Variants in CSMD3 observed in about 807,000 individuals in gnomAD.
The protein encoded by CSMD3 is CUB and sushi domain-containing protein 3.
CSMD3 carries 177 observed loss-of-function variants against 435.2 expected under a neutral mutation model. That is an observed-to-expected ratio of 0.41 (90% CI 0.36 to 0.46). The LOEUF (loss-of-function observed/expected upper bound fraction) is 0.46. Ranked by LOEUF, CSMD3 falls within the 20% of genes least tolerant of loss-of-function variation. The probability of loss-of-function intolerance (pLI) is 0.34; values close to 1 mark genes in which losing one functional copy is unlikely to be tolerated. For synonymous variants in CSMD3, 1,656 were observed against 1,520.5 expected (o/e 1.09, Z -2.07); for missense variants, 4,265 against 4,504.6 (o/e 0.95, Z 1.52).
intron 47 of CSMD3, among the ~76,000 whole-genome samples, chr8:112,315,791 A>C (rs1320333882): frequency 2.6e-5 from 4 of 151,840 alleles, no homozygotes; most frequent in Non-Finnish European, 5.9e-5. Context: ...CAATTTCCTA[A>C]TTCATCTACT....
At chr8:113,164,522 A>C (rs1158796218) in intron 4 of CSMD3, among the ~76,000 whole-genome samples, 1 of 151,928 alleles carries the variant, frequency 6.6e-6, no homozygotes, top group Non-Finnish European at 1.5e-5. Context: ...AGTAAAAAGA[A>C]AATTATTTAT....
At chr8:113,430,359 T>C (rs960467782) in intron 1 of CSMD3, among the ~76,000 whole-genome samples, 3 of 145,534 alleles carry the variant, frequency 2.1e-5, no homozygotes, top group African/African-American at 7.4e-5. Flanking sequence ...AAACCCCCGA[T>C]ATTGTCATGT....
chr8:112,776,791 A>G (rs2078257191), intron 13 of CSMD3, among the ~76,000 whole-genome samples: 1 of 151,740 alleles, frequency 6.6e-6, no homozygotes, highest in African/African-American at 2.4e-5. Context: ...AAGTTTCTAT[A>G]TGTTAATTCT....
In CSMD3 at chr8:113,403,596, T is replaced by C. The variant is rs151120955; in HGVS notation, c.178+33081A>G. Among the ~76,000 whole-genome samples, 28 of 151,528 alleles carry C rather than the reference T, an allele frequency of 1.8e-4. No individual in the cohort carries two copies. In the East Asian group the frequency reaches 5.2e-3, roughly 28 times the overall value. ...AGTAATAAAGCATGATTGCTTTCTG[T>C]GATTATGAAATTCTAAAGGGAAAGC... On this transcript the variant is annotated intron_variant, in intron 1 of 70. Coordinates refer to ENST00000297405, the MANE Select transcript of CSMD3 (RefSeq NM_198123.2).
intron 3 of CSMD3, among the ~76,000 whole-genome samples, chr8:113,181,104 A>G (rs1157474613): frequency 2.0e-5 from 3 of 151,990 alleles, no homozygotes; most frequent in South Asian, 2.1e-4. Flanking sequence ...TAGAAAAGAA[A>G]TAAGAGCAAG....
chr8:112,458,025 C>A (rs1220725270), intron 32 of CSMD3, among the ~76,000 whole-genome samples: 3 of 152,008 alleles, frequency 2.0e-5, no homozygotes, highest in Non-Finnish European at 4.4e-5. Flanking sequence ...CAATTGTTTG[C>A]ATTTTCAGTA....
intron 3 of CSMD3, among the ~76,000 whole-genome samples, chr8:113,251,527 T>C (rs2093335215): frequency 1.6e-5 from 2 of 123,190 alleles, no homozygotes; most frequent in South Asian, 5.6e-4. Flanking sequence ...AATGTCTTAC[T>C]TGTAATCACT....
At chr8:112,354,713 G>A (rs773447142) in intron 38 of CSMD3, among the ~76,000 whole-genome samples, 3 of 152,026 alleles carry the variant, frequency 2.0e-5, no homozygotes, top group Non-Finnish European at 4.4e-5. Context: ...CAAAAACAAT[G>A]GGAAAACATT....
At chr8:112,371,399 G>C (rs1828377879) in intron 38 of CSMD3, among the ~76,000 whole-genome samples, 1 of 152,118 alleles carries the variant, frequency 6.6e-6, no homozygotes. Context: ...ATAAGGTCCT[G>C]AGAACCAATG....
At chr8:113,241,286 T>C (rs897624366) in intron 3 of CSMD3, among the ~76,000 whole-genome samples, 1 of 152,066 alleles carries the variant, frequency 6.6e-6, no homozygotes, top group African/African-American at 2.4e-5. Flanking sequence ...TTTTGCTGTA[T>C]CAATGGCAAC....
At chr8:113,365,433 C>A (rs1053121866) in intron 1 of CSMD3, among the ~76,000 whole-genome samples, 2 of 151,884 alleles carry the variant, frequency 1.3e-5, no homozygotes, top group Non-Finnish European at 1.5e-5. Context: ...AATGTATAAT[C>A]CTTTAGAGAC....
intron 59 of CSMD3, among the ~76,000 whole-genome samples, chr8:112,273,025 C>A (rs1451588410): frequency 6.6e-6 from 1 of 152,158 alleles, no homozygotes; most frequent in African/African-American, 2.4e-5. Flanking sequence ...TACGATATTT[C>A]TCTTTGAAGA....
chr8:112,946,276 C>T (rs2083608321), intron 9 of CSMD3, among the ~76,000 whole-genome samples: 1 of 151,798 alleles, frequency 6.6e-6, no homozygotes, highest in South Asian at 2.1e-4. Flanking sequence ...CTCATGTGAT[C>T]TTCTCCTCAA....
intron 5 of CSMD3, among the ~76,000 whole-genome samples, chr8:113,055,254 A>C (rs1484402136): frequency 1.3e-5 from 2 of 152,200 alleles, no homozygotes; most frequent in African/African-American, 4.8e-5. Context: ...GCGTTCAAGC[A>C]ATTCTCTTCC....
intron 9 of CSMD3, among the ~76,000 whole-genome samples, chr8:112,936,400 T>TTCTTTCACAAAATTTACATATACA: frequency 6.6e-6 from 1 of 152,242 alleles, no homozygotes; most frequent in African/African-American, 2.4e-5. Flanking sequence ...TAAGGATATT[T>TTCTTTCACAAAATTTACATATACA]TCTTTCACAA....
chr8:112,953,607 A>G (rs950206408), intron 8 of CSMD3, among the ~76,000 whole-genome samples: 9 of 151,444 alleles, frequency 5.9e-5, no homozygotes, highest in East Asian at 5.8e-4. Context: ...TGTAAAAATC[A>G]CATTTGAAAA....
intron 46 of CSMD3, 102 bp downstream of exon 46, chr8:112,319,799 G>A: frequency 2.4e-6 from 2 of 824,760 alleles, no homozygotes; most frequent in South Asian, 2.7e-5. Context: ...CAGGGAATGA[G>A]GGTCTCAAGA....
chr8:113,405,198 C>T (rs2094527208), intron 1 of CSMD3, among the ~76,000 whole-genome samples: 1 of 151,482 alleles, frequency 6.6e-6, no homozygotes, highest in South Asian at 2.1e-4. Context: ...AAATAGTTTG[C>T]ATAATATTAA....
chr8:112,881,989 A>G (rs2081461777), intron 10 of CSMD3, among the ~76,000 whole-genome samples: 1 of 151,932 alleles, frequency 6.6e-6, no homozygotes, highest in South Asian at 2.1e-4. Context: ...CTGATCCCTA[A>G]TTGAGTTTAT....
Sources: gnomAD v4.1 joint callset for allele counts (sites outside exome capture counted in the v4.1 genomes callset) on GRCh38, gnomAD v4.1.1 for gene constraint, MANE v1.5 for transcripts, NCBI Gene and HGNC (gene_info 2026-07-23, HGNC 2026-07-21) for gene names.